Variants in FNDC3B observed in about 807,000 individuals in gnomAD.
FNDC3B encodes the protein fibronectin type III domain containing 3B, also known as fibronectin type III domain-containing protein 3B.
Under a neutral mutation model 151.5 loss-of-function variants are expected in FNDC3B, and 12 were observed. The observed-to-expected ratio is 0.08, with a 90% CI of 0.05 to 0.13. The LOEUF (loss-of-function observed/expected upper bound fraction) is 0.13. Ranked by LOEUF, FNDC3B falls within the 10% of genes least tolerant of loss-of-function variation. FNDC3B has a pLI of 1.00. For missense variants in FNDC3B, 1,214 were observed against 1,505.3 expected, an observed-to-expected ratio of 0.81 and a Z score of 3.20; for synonymous variants, 528 against 549.0, an observed-to-expected ratio of 0.96 and a Z score of 0.54.
chr3:172,397,572 T>G lies in FNDC3B; in HGVS notation c.*97T>G. 1 of 767,024 alleles carries G rather than the reference T, an allele frequency of 1.3e-6. No individual in the cohort carries two copies. Among genetic ancestry groups the G allele is most frequent in the Non-Finnish European group, 2.0e-6 (1 of 502,362 alleles). The allele number at this position is 767,024 out of a possible 1,614,324, so 47.5% of individuals were successfully genotyped here. On this transcript the variant is annotated 3_prime_UTR_variant, in exon 26 of 26. Coordinates refer to ENST00000415807, the MANE Select transcript of FNDC3B (RefSeq NM_022763.4). The stretch of plus-strand genomic sequence containing the variant: ...TTTAAAGCCCTTTTGTTTTTTGATT[T>G]ATATACTCTGTTTTACAGATTTAGC...
chr3:172,387,394 G>A (rs1304185945), intron 25 of FNDC3B, among the ~76,000 whole-genome samples: 1 of 152,158 alleles, frequency 6.6e-6, no homozygotes, highest in African/African-American at 2.4e-5. Flanking sequence ...CACCATGCCT[G>A]TCCCCTTCAT....
In FNDC3B at chr3:172,183,559, C is replaced by T. The variant is rs527810101; in HGVS notation, c.188-43312C>T. 1.8e-4 allele frequency among the ~76,000 whole-genome samples: 28 copies of T among 152,226 alleles called. No homozygotes were observed. In the South Asian group the frequency reaches 5.0e-3, roughly 27 times the overall value. ...GTTTGCTTTATAAGAAAATTCAATCCGTTTTGTCTTCAGGTAACACTACAT... is the reference window on the plus strand; with the variant it reads ...GTTTGCTTTATAAGAAAATTCAATCTGTTTTGTCTTCAGGTAACACTACAT... On this transcript the variant is annotated intron_variant, in intron 3 of 25. Transcript: ENST00000415807.
At chr3:172,284,144 G>A (rs997795830) in intron 6 of FNDC3B, among the ~76,000 whole-genome samples, 5 of 152,120 alleles carry the variant, frequency 3.3e-5, no homozygotes, top group African/African-American at 1.2e-4. Context: ...TGCACATGTA[G>A]GGCCTGTGCT....
At chr3:172,138,208 A>C (rs1485673664) in intron 3 of FNDC3B, among the ~76,000 whole-genome samples, 1 of 152,226 alleles carries the variant, frequency 6.6e-6, no homozygotes, top group African/African-American at 2.4e-5. Context: ...TAGAGGTAGC[A>C]CTACACAGTC....
At chr3:172,283,616 A>G (rs1356597998) in intron 6 of FNDC3B, among the ~76,000 whole-genome samples, 2 of 152,228 alleles carry the variant, frequency 1.3e-5, no homozygotes, top group Non-Finnish European at 2.9e-5. Flanking sequence ...GAACATAACT[A>G]TGTGAGTGTT....
intron 23 of FNDC3B, among the ~76,000 whole-genome samples, chr3:172,366,277 A>G (rs1282264926): frequency 6.6e-6 from 1 of 152,188 alleles, no homozygotes; most frequent in East Asian, 1.9e-4. Flanking sequence ...AACATTCTAA[A>G]GGATACTTAT....
chr3:172,273,467 T>C (rs919043480), intron 6 of FNDC3B, among the ~76,000 whole-genome samples: 1 of 152,210 alleles, frequency 6.6e-6, no homozygotes, highest in Non-Finnish European at 1.5e-5. Flanking sequence ...ACTTCTCTGT[T>C]CATTCTATCT....
chr3:172,075,510 C>A lies in FNDC3B; in HGVS notation c.-29+35739C>A, dbSNP rs982892716. ...AACAACAACAAAAATGGGAATTAAC[C>A]GATTCCTTCTAAAAGCTGAAGGCTC... is the stretch of plus-strand genomic sequence containing the variant. On this transcript the variant is annotated intron_variant, in intron 1 of 25. Coordinates refer to ENST00000415807, the MANE Select transcript of FNDC3B (RefSeq NM_022763.4). Among the ~76,000 whole-genome samples the A allele has an allele frequency of 2.0e-5, 3 of 152,046 alleles. No homozygotes were observed. In the East Asian group the frequency reaches 5.8e-4, roughly 29 times the overall value.
intron 3 of FNDC3B, among the ~76,000 whole-genome samples, chr3:172,150,354 G>GA (rs1224317083): frequency 2.6e-5 from 4 of 152,078 alleles, no homozygotes; most frequent in Non-Finnish European, 5.9e-5. Context: ...ATTTGTGAAT[G>GA]AAAAAACTCT....
At chr3:172,215,406 G>A (rs1013898506) in intron 3 of FNDC3B, among the ~76,000 whole-genome samples, 1 of 152,216 alleles carries the variant, frequency 6.6e-6, no homozygotes, top group African/African-American at 2.4e-5. Flanking sequence ...GAAAGCTGGT[G>A]AGAGAATGAC....
At chr3:172,161,517 T>C (rs937893672) in intron 3 of FNDC3B, among the ~76,000 whole-genome samples, 3 of 152,180 alleles carry the variant, frequency 2.0e-5, no homozygotes, top group African/African-American at 7.2e-5. Flanking sequence ...AGACCAAGAA[T>C]TGGAAACAAA....
chr3:172,160,217 C>A (rs992786867), intron 3 of FNDC3B, among the ~76,000 whole-genome samples: 2 of 152,240 alleles, frequency 1.3e-5, no homozygotes, highest in African/African-American at 2.4e-5. Flanking sequence ...GGAATAGGAA[C>A]CTCTGTTCAT....
chr3:172,298,227 C>A (rs146954013), intron 8 of FNDC3B, among the ~76,000 whole-genome samples: 4 of 152,228 alleles, frequency 2.6e-5, no homozygotes, highest in Non-Finnish European at 4.4e-5. Flanking sequence ...TCAGTTGCAA[C>A]TTTTGAGGAC....
chr3:172,080,126 A>G (rs958532182), intron 1 of FNDC3B, among the ~76,000 whole-genome samples: 1 of 152,242 alleles, frequency 6.6e-6, no homozygotes, highest in Non-Finnish European at 1.5e-5. Flanking sequence ...GGTACTACCC[A>G]GTTTCATTAA....
chr3:172,124,652 A>C (rs1720718884), intron 2 of FNDC3B, among the ~76,000 whole-genome samples: 1 of 152,258 alleles, frequency 6.6e-6, no homozygotes, highest in African/African-American at 2.4e-5. Context: ...TTTACCTCAA[A>C]CTTAAGTGCT....
chr3:172,291,388 C>G (rs1262117461), intron 7 of FNDC3B, among the ~76,000 whole-genome samples: 2 of 152,088 alleles, frequency 1.3e-5, no homozygotes, highest in Admixed American at 6.5e-5. Context: ...ACACTAGTAA[C>G]CTGTACAACA....
chr3:172,190,949 G>A lies in FNDC3B; in HGVS notation c.188-35922G>A, dbSNP rs149112947. Among the ~76,000 whole-genome samples, 916 of 152,258 alleles carry A rather than the reference G, an allele frequency of 6.0e-3. 8 individuals are homozygous for A. Among genetic ancestry groups the A allele is most frequent in the South Asian group, 0.028 (136 of 4,816 alleles). ...CTGCCAAAGTGCTGGGATTACAGGC[G>A]TGAGCCACCATGCCCAGCCCCATTG... On this transcript the variant is annotated intron_variant, in intron 3 of 25. Coordinates refer to ENST00000415807, the MANE Select transcript of FNDC3B (RefSeq NM_022763.4).
chr3:172,358,934 TA>T (rs1179546708), intron 22 of FNDC3B, among the ~76,000 whole-genome samples: 2 of 132,776 alleles, frequency 1.5e-5, no homozygotes, highest in African/African-American at 5.6e-5. Context: ...TAAAGAGTGT[TA>T]AATGCTACCA....
At chr3:172,343,154 G>GGAGATGAA in intron 18 of FNDC3B, 38 bp downstream of exon 18, 1 of 1,056,616 alleles carries the variant, frequency 9.5e-7, no homozygotes, top group South Asian at 1.3e-5. Flanking sequence ...TTGACAATTT[G>GGAGATGAA]GACAATTGGA....
Sources: gnomAD v4.1 joint callset for allele counts (sites outside exome capture counted in the v4.1 genomes callset) on GRCh38, gnomAD v4.1.1 for gene constraint, MANE v1.5 for transcripts, NCBI Gene and HGNC (gene_info 2026-07-23, HGNC 2026-07-21) for gene names.